TRAPPC12: variants seen among roughly 807,000 people sequenced by gnomAD.
The protein encoded by TRAPPC12 is trafficking protein particle complex subunit 12.
In TRAPPC12, 61 loss-of-function variants were observed where a neutral mutation model predicts 69.2. That is an observed-to-expected ratio of 0.88 (90% CI 0.72 to 1.09). The LOEUF (loss-of-function observed/expected upper bound fraction) is 1.09, where lower values mean the gene tolerates loss of function less well. Ranked by LOEUF, TRAPPC12 falls within the 50% of genes least tolerant of loss-of-function variation. The probability of loss-of-function intolerance (pLI) is 0.00; values close to 1 mark genes in which losing one functional copy is unlikely to be tolerated. For synonymous variants in TRAPPC12, 469 were observed against 438.9 expected (o/e 1.07, Z -0.86); for missense variants, 1,101 against 1,016.4 (o/e 1.08, Z -1.13).
At chr2:3,472,828 G>A (rs1198477980) in intron 9 of TRAPPC12, among the ~76,000 whole-genome samples, 1 of 152,110 alleles carries the variant, frequency 6.6e-6, no homozygotes, top group East Asian at 1.9e-4. Flanking sequence ...CTGACTTCAC[G>A]GAGGACAGGT....
intron 2 of TRAPPC12, among the ~76,000 whole-genome samples, chr2:3,399,363 C>T (rs1225279238): frequency 1.3e-5 from 2 of 152,104 alleles, no homozygotes; most frequent in African/African-American, 4.8e-5. Flanking sequence ...TTTTGCAGAG[C>T]TTTATGGGGC....
chr2:3,431,625 A>G (rs1269204214), intron 5 of TRAPPC12, among the ~76,000 whole-genome samples: 2 of 151,928 alleles, frequency 1.3e-5, no homozygotes, highest in Non-Finnish European at 2.9e-5. Flanking sequence ...TTGTTACACT[A>G]GTGCAGATTG....
At chr2:3,381,629 A>G (rs1349509603) in intron 1 of TRAPPC12, among the ~76,000 whole-genome samples, 2 of 152,232 alleles carry the variant, frequency 1.3e-5, no homozygotes, top group African/African-American at 4.8e-5. Context: ...AAGAACAGAT[A>G]CTTGTGTTTT....
At chr2:3,458,520 GTA>G (rs1665305046) in intron 7 of TRAPPC12, 2 of 919,584 alleles carry the variant, frequency 2.2e-6, no homozygotes, top group South Asian at 1.0e-4. Flanking sequence ...TGTGAGGTGT[GTA>G]TGTGTGTGGT....
Position 3,401,830 on chromosome 2 carries a change from A to G in TRAPPC12, c.1101A>G (p.Ala367=), listed in dbSNP as rs1661460138. 2.5e-6 allele frequency: 4 copies of G among 1,602,862 alleles called. No homozygotes were observed. The highest frequency in any genetic ancestry group is 2.7e-5 in the African/African-American group (2 of 74,732). Residue 367 remains alanine (A), a synonymous_variant, in exon 3 of 12, where the codon GCA becomes GCG. Coordinates refer to ENST00000324266, the MANE Select transcript of TRAPPC12 (RefSeq NM_016030.6). ...GCTTTCTGGGTGAAAAAGCTGCAGC[A>G]AAGAGACAAGTCCTAAATGCCGACT... The part of the protein sequence containing the change: ...MLRFLGEKAA[A]KRQVLNADSV...
intron 10 of TRAPPC12, chr2:3,478,581 C>T (rs370941421): frequency 1.5e-5 from 5 of 323,300 alleles, no homozygotes; most frequent in African/African-American, 6.5e-5. Context: ...TTGCGGTGAG[C>T]CGAGATCGTG....
chr2:3,391,339 G>A (rs1314286747), intron 2 of TRAPPC12, among the ~76,000 whole-genome samples: 1 of 152,148 alleles, frequency 6.6e-6, no homozygotes, highest in African/African-American at 2.4e-5. Context: ...AAATAGGTAA[G>A]CCAATAAGCC....
intron 9 of TRAPPC12, among the ~76,000 whole-genome samples, chr2:3,473,001 G>A (rs558667879): frequency 5.3e-5 from 8 of 152,302 alleles, no homozygotes; most frequent in Admixed American, 2.0e-4. Context: ...CACCGAGGGC[G>A]GGGACTTTTC....
At chr2:3,391,354 G>A (rs189199719) in intron 2 of TRAPPC12, among the ~76,000 whole-genome samples, 109 of 152,246 alleles carry the variant, frequency 7.2e-4, no homozygotes, top group African/African-American at 2.4e-3. Flanking sequence ...TAAGCCAATC[G>A]TATGACTGTG....
At chr2:3,464,267 C>T (rs1440070134) in intron 8 of TRAPPC12, among the ~76,000 whole-genome samples, 1 of 152,156 alleles carries the variant, frequency 6.6e-6, no homozygotes, top group African/African-American at 2.4e-5. Flanking sequence ...GAAAGGAGAC[C>T]GAGGCATGTG....
In TRAPPC12 at chr2:3,477,810, A is replaced by C; in HGVS notation, c.1877+15A>C. 4 of 1,538,622 alleles carry C rather than the reference A, an allele frequency of 2.6e-6. No homozygotes were observed. The highest frequency in any genetic ancestry group is 3.5e-6 in the Non-Finnish European group (4 of 1,127,774). On this transcript the variant is annotated intron_variant, in intron 10 of 11. Coordinates refer to ENST00000324266, the MANE Select transcript of TRAPPC12 (RefSeq NM_016030.6). ...TTGATGAACAGGTAAATATTTTAAAACTAAATATATGTTTTCTCAAATTTC... is the reference window on the plus strand; with the variant it reads ...TTGATGAACAGGTAAATATTTTAAACCTAAATATATGTTTTCTCAAATTTC...
chr2:3,468,906 G>C (rs760639851), intron 9 of TRAPPC12, among the ~76,000 whole-genome samples: 6 of 152,160 alleles, frequency 3.9e-5, no homozygotes, highest in Admixed American at 6.5e-5. Flanking sequence ...TCGATGAGAG[G>C]TCAGTGGTGC....
chr2:3,421,114 G>A (rs367749982), intron 3 of TRAPPC12, among the ~76,000 whole-genome samples: 18 of 152,306 alleles, frequency 1.2e-4, no homozygotes, highest in East Asian at 7.7e-4. Flanking sequence ...GATAGTGCCC[G>A]TTACATTGAG....
At chr2:3,425,338 C>CA (rs2103062180) in intron 5 of TRAPPC12, among the ~76,000 whole-genome samples, 1 of 152,286 alleles carries the variant, frequency 6.6e-6, no homozygotes, top group South Asian at 2.1e-4. Context: ...ACAGTCCTGG[C>CA]AGGATGTCTT....
Position 3,396,354 on chromosome 2 carries a change from T to G in TRAPPC12, c.1048-5423T>G, listed in dbSNP as rs7576114. 2.6e-3 allele frequency among the ~76,000 whole-genome samples: 389 copies of G among 152,286 alleles called. 3 individuals are homozygous for G. Among genetic ancestry groups the G allele is most frequent in the African/African-American group, 9.0e-3 (376 of 41,550 alleles). On this transcript the variant is annotated intron_variant, in intron 2 of 11. Coordinates refer to ENST00000324266, the MANE Select transcript of TRAPPC12 (RefSeq NM_016030.6). Reference sequence around the variant, plus strand: ...TTATCCTCGCTCCTCTGTACCTAATTGTATATTTTTCCTCTGGGTGCTTTT... The same window carrying G: ...TTATCCTCGCTCCTCTGTACCTAATGGTATATTTTTCCTCTGGGTGCTTTT...
chr2:3,399,651 A>G (rs1247815204), intron 2 of TRAPPC12, among the ~76,000 whole-genome samples: 2 of 152,204 alleles, frequency 1.3e-5, no homozygotes, highest in African/African-American at 4.8e-5. Flanking sequence ...GGGAGGCAGC[A>G]GAGCAGAGAA....
At chr2:3,419,910 GA>G (rs1378575371) in intron 3 of TRAPPC12, among the ~76,000 whole-genome samples, 5 of 152,360 alleles carry the variant, frequency 3.3e-5, no homozygotes, top group Admixed American at 3.3e-4. Flanking sequence ...CACTGCTAGG[GA>G]AGGCAAGATG....
At chr2:3,391,133 A>G (rs532737006) in intron 2 of TRAPPC12, among the ~76,000 whole-genome samples, 1 of 152,204 alleles carries the variant, frequency 6.6e-6, no homozygotes, top group East Asian at 1.9e-4. Flanking sequence ...GTTTATTGCA[A>G]CCAAATTGTG....
intron 2 of TRAPPC12, among the ~76,000 whole-genome samples, chr2:3,397,426 A>G (rs1442699448): frequency 1.3e-5 from 2 of 152,104 alleles, no homozygotes; most frequent in Non-Finnish European, 2.9e-5. Context: ...TCCATGGCAG[A>G]CCCACACTCA....
Sources: gnomAD v4.1 joint callset for allele counts (sites outside exome capture counted in the v4.1 genomes callset) on GRCh38, gnomAD v4.1.1 for gene constraint, MANE v1.5 for transcripts, NCBI Gene and HGNC (gene_info 2026-07-23, HGNC 2026-07-21) for gene names.